The following EPM2A variants were observed in gnomAD, a reference collection of about 807,000 sequenced individuals.
EPM2A encodes EPM2A glucan phosphatase, laforin.
EPM2A carries 21 observed loss-of-function variants against 26.5 expected under a neutral mutation model. The ratio of observed to expected loss-of-function variants is 0.79; its 90% confidence interval spans 0.56 to 1.14. EPM2A has a LOEUF of 1.14. EPM2A is among the 50% of genes most tolerant of loss of function. EPM2A has a pLI of 0.00. For missense variants in EPM2A, 458 were observed against 440.8 expected (o/e 1.04, Z -0.35); for synonymous variants, 217 against 177.6 (o/e 1.22, Z -1.76).
intron 3 of EPM2A, among the ~76,000 whole-genome samples, chr6:145,633,343 C>T (rs2128560588): frequency 6.6e-6 from 1 of 152,332 alleles, no homozygotes; most frequent in East Asian, 1.9e-4. Flanking sequence ...GTTTTGAAAC[C>T]AGGAAAACCA....
intron 2 of EPM2A, among the ~76,000 whole-genome samples, chr6:145,504,272 C>T (rs1237589094): frequency 9.0e-6 from 1 of 111,714 alleles, no homozygotes; most frequent in Non-Finnish European, 1.9e-5. Context: ...AGAGCTTCTG[C>T]ATAGCAAAAG....
chr6:145,664,369 T>A (rs1778983886), intron 2 of EPM2A, among the ~76,000 whole-genome samples: 1 of 121,744 alleles, frequency 8.2e-6, no homozygotes, highest in Admixed American at 9.1e-5. Context: ...AATCCTAGTC[T>A]CTGATAAAAC....
At chr6:145,451,108 T>G (rs1779190766) in intron 4 of EPM2A, among the ~76,000 whole-genome samples, 1 of 152,196 alleles carries the variant, frequency 6.6e-6, no homozygotes, top group Non-Finnish European at 1.5e-5. Flanking sequence ...TTTAAGCTTT[T>G]AAGTGAAATT....
chr6:145,462,290 C>A (rs577756860), intron 4 of EPM2A, among the ~76,000 whole-genome samples: 1 of 152,064 alleles, frequency 6.6e-6, no homozygotes, highest in African/African-American at 2.4e-5. Context: ...CAAGGAGATG[C>A]GTGTGTTTGC....
intron 2 of EPM2A, among the ~76,000 whole-genome samples, chr6:145,537,189 G>A (rs931016896): frequency 1.3e-5 from 2 of 152,322 alleles, no homozygotes; most frequent in South Asian, 4.1e-4. Flanking sequence ...ATTTATAGGA[G>A]GCTAGTTTCC....
At chr6:145,686,600 G>A (rs1780934658) in intron 1 of EPM2A, among the ~76,000 whole-genome samples, 1 of 152,038 alleles carries the variant, frequency 6.6e-6, no homozygotes, top group South Asian at 2.1e-4. Flanking sequence ...GAATCACTTT[G>A]CAGCCTGAGA....
At chr6:145,506,050 C>A (rs1417610885) in intron 2 of EPM2A, among the ~76,000 whole-genome samples, 3 of 152,162 alleles carry the variant, frequency 2.0e-5, no homozygotes, top group Non-Finnish European at 2.9e-5. Context: ...TGAAATGCAG[C>A]CCCTCTAGGT....
intron 4 of EPM2A, among the ~76,000 whole-genome samples, chr6:145,409,887 T>C (rs1778621113): frequency 1.3e-5 from 2 of 152,238 alleles, no homozygotes; most frequent in South Asian, 4.1e-4. Context: ...TGCCTGAATG[T>C]CCTGATGACA....
intron 4 of EPM2A, among the ~76,000 whole-genome samples, chr6:145,398,507 A>G (rs745975611): frequency 2.0e-5 from 3 of 152,156 alleles, no homozygotes; most frequent in Non-Finnish European, 4.4e-5. Context: ...TTGCCGCTGG[A>G]GACAATTTAA....
chr6:145,387,659 A>G (rs748856826), intron 4 of EPM2A, among the ~76,000 whole-genome samples: 1 of 152,196 alleles, frequency 6.6e-6, no homozygotes, highest in African/African-American at 2.4e-5. Flanking sequence ...AGACCTAAGA[A>G]AGACATTTGC....
chr6:145,650,488 G>A (rs1777809454), intron 2 of EPM2A, among the ~76,000 whole-genome samples: 1 of 151,654 alleles, frequency 6.6e-6, no homozygotes, highest in African/African-American at 2.4e-5. Context: ...GGAGGTAGAG[G>A]TTGCAGTGAG....
chr6:145,581,151 C>T (rs1038589725), intron 2 of EPM2A, among the ~76,000 whole-genome samples: 3 of 152,166 alleles, frequency 2.0e-5, no homozygotes, highest in Admixed American at 2.0e-4. Context: ...TTCATTGCAA[C>T]CTCACTAACT....
At chr6:145,645,814 G>C (rs12203022) in intron 2 of EPM2A, among the ~76,000 whole-genome samples, 3,108 of 152,136 alleles carry the variant, frequency 0.02, 41 homozygotes, top group Non-Finnish European at 0.029. Context: ...GGCTGGTCTT[G>C]AACTCATGAG....
chr6:145,549,061 A>G (rs1780620841), intron 2 of EPM2A, among the ~76,000 whole-genome samples: 1 of 152,114 alleles, frequency 6.6e-6, no homozygotes, highest in Non-Finnish European at 1.5e-5. Context: ...GCATCTGCCT[A>G]AATGTGACTT....
intron 4 of EPM2A, among the ~76,000 whole-genome samples, chr6:145,389,402 G>T (rs1253310166): frequency 6.6e-6 from 1 of 151,906 alleles, no homozygotes; most frequent in Admixed American, 6.6e-5. Context: ...ATGTTGGCCA[G>T]GCTGGTCTTG....
intron 1 of EPM2A, among the ~76,000 whole-genome samples, chr6:145,725,569 T>C (rs936677002): frequency 6.6e-6 from 1 of 152,016 alleles, no homozygotes; most frequent in Non-Finnish European, 1.5e-5. Context: ...AACATACATA[T>C]AATGGGACAT....
At chr6:145,453,321 A>G (rs1280660320) in intron 4 of EPM2A, among the ~76,000 whole-genome samples, 4 of 152,202 alleles carry the variant, frequency 2.6e-5, no homozygotes, top group African/African-American at 7.2e-5. Flanking sequence ...GGTGGGGGGA[A>G]AAAAGATTCT....
chr6:145,657,798 A>C (rs1778403686), intron 2 of EPM2A, among the ~76,000 whole-genome samples: 1 of 152,228 alleles, frequency 6.6e-6, no homozygotes, highest in African/African-American at 2.4e-5. Context: ...TCTAATCAAA[A>C]AATTATCATT....
chr6:145,474,549 G>A (rs9390327), intron 4 of EPM2A, among the ~76,000 whole-genome samples: 68,009 of 151,846 alleles, frequency 0.45, 15,883 homozygotes, highest in Non-Finnish European at 0.52. Flanking sequence ...TACCATTCAG[G>A]ACATAGGCAT....
Sources: allele counts gnomAD v4.1 joint callset (sites outside exome capture counted in the v4.1 genomes callset), GRCh38; gene constraint gnomAD v4.1.1; transcripts MANE v1.5; gene names NCBI Gene and HGNC (gene_info 2026-07-23, HGNC 2026-07-21).